Variants in DGKG observed in about 807,000 individuals in gnomAD.
DGKG encodes the protein diacylglycerol kinase gamma, also known as DAG kinase gamma.
Under a neutral mutation model 105.3 loss-of-function variants are expected in DGKG, and 78 were observed. That is an observed-to-expected ratio of 0.74 (90% CI 0.62 to 0.89). DGKG has a LOEUF of 0.89. Ranked by LOEUF, DGKG falls within the 40% of genes least tolerant of loss-of-function variation. The pLI is 0.00. For synonymous variants in DGKG, 346 were observed against 367.1 expected, an observed-to-expected ratio of 0.94 and a Z score of 0.66; for missense variants, 958 against 1,020.1, an observed-to-expected ratio of 0.94 and a Z score of 0.83.
At chr3:186,242,438 T>C in intron 20 of DGKG, 66 bp downstream of exon 20, 1 of 1,391,382 alleles carries the variant, frequency 7.2e-7, no homozygotes. Context: ...AGAGAGCAGG[T>C]GAAAGGCCTC....
chr3:186,283,080 T>C (rs1722900457), intron 7 of DGKG, among the ~76,000 whole-genome samples: 1 of 152,084 alleles, frequency 6.6e-6, no homozygotes, highest in East Asian at 1.9e-4. Context: ...GGCTAATTTT[T>C]GTATTTTTAG....
chr3:186,219,413 C>A (rs1048672217), intron 20 of DGKG, among the ~76,000 whole-genome samples: 5 of 152,220 alleles, frequency 3.3e-5, no homozygotes, highest in African/African-American at 1.2e-4. Flanking sequence ...ATGGAATCAT[C>A]TTTTCCAAGA....
chr3:186,258,031 G>A lies in DGKG; in HGVS notation c.1425-92C>T. The A allele has an allele frequency of 7.3e-6, 7 of 955,740 alleles. 1 individual carries two copies. The Admixed American group carries it at 1.3e-4, about 18-fold the overall frequency. 59.2% of individuals were successfully genotyped at this position (955,740 alleles called of 1,614,324 possible). ...AGTCAGAGTCTGCCCTGTTCCCCAGGAGTATGTTAAGACCTCGATTCCTTT... is the reference window on the plus strand; with the variant it reads ...AGTCAGAGTCTGCCCTGTTCCCCAGAAGTATGTTAAGACCTCGATTCCTTT... On this transcript the variant is annotated intron_variant, in intron 16 of 24. Transcript: ENST00000265022.
chr3:186,303,742 C>T (rs1724086479), intron 3 of DGKG, among the ~76,000 whole-genome samples: 1 of 152,130 alleles, frequency 6.6e-6, no homozygotes, highest in South Asian at 2.1e-4. Flanking sequence ...CTCTATTCTC[C>T]AGAGAATCAC....
chr3:186,259,084 T>G (rs1021962908), intron 16 of DGKG, among the ~76,000 whole-genome samples: 2 of 152,096 alleles, frequency 1.3e-5, no homozygotes, highest in Non-Finnish European at 2.9e-5. Context: ...TTCCTTCTCT[T>G]GCAGAACTCT....
intron 22 of DGKG, among the ~76,000 whole-genome samples, chr3:186,166,449 G>A (rs757034948): frequency 5.9e-5 from 9 of 152,226 alleles, no homozygotes; most frequent in Non-Finnish European, 1.3e-4. Context: ...AAAGGGTAAT[G>A]TTTGTTTAGG....
At chr3:186,179,320 T>G (rs768661144) in intron 22 of DGKG, among the ~76,000 whole-genome samples, 1 of 152,220 alleles carries the variant, frequency 6.6e-6, no homozygotes, top group Admixed American at 6.5e-5. Context: ...AGAGACTGTA[T>G]AATGCACCTA....
chr3:186,320,547 T>C lies in DGKG; in HGVS notation c.-88A>G. ...GAGGCCCAGCCCAGGGCCTGGCTCA[T>C]TGCAGGTTTGCGATGTAAGCCTTTC... On this transcript the variant is annotated 5_prime_UTR_variant, in exon 2 of 25. The change abolishes an upstream ATG in the 5' untranslated region. Transcript: ENST00000265022. 5 of 1,605,128 alleles carry C rather than the reference T, an allele frequency of 3.1e-6. No homozygotes were observed. Among genetic ancestry groups the C allele is most frequent in the Non-Finnish European group, 4.3e-6 (5 of 1,174,848 alleles).
In DGKG at chr3:186,320,568, C is replaced by A; in HGVS notation, c.-109G>T. 1 of 1,577,596 alleles carries A rather than the reference C, an allele frequency of 6.3e-7. No homozygotes were observed. Among genetic ancestry groups the A allele is most frequent in the Non-Finnish European group, 8.6e-7 (1 of 1,160,396 alleles). On this transcript the variant is annotated 5_prime_UTR_variant, in exon 2 of 25. In the 5' UTR this introduces an upstream ATG that the reference lacks. Coordinates refer to ENST00000265022, the MANE Select transcript of DGKG (RefSeq NM_001346.3). Reference sequence around the variant, plus strand: ...CTCATTGCAGGTTTGCGATGTAAGCCTTTCAGGAGACTTCTGGGAGCACTC... The same window carrying A: ...CTCATTGCAGGTTTGCGATGTAAGCATTTCAGGAGACTTCTGGGAGCACTC...
intron 22 of DGKG, among the ~76,000 whole-genome samples, chr3:186,174,414 G>A (rs1463605914): frequency 6.6e-6 from 1 of 152,058 alleles, no homozygotes; most frequent in African/African-American, 2.4e-5. Context: ...GAAGAGGAAG[G>A]CAATGAAAGG....
At chr3:186,306,867 G>A (rs748668186) in intron 3 of DGKG, 34 bp downstream of exon 3, 5 of 1,417,512 alleles carry the variant, frequency 3.5e-6, no homozygotes, top group African/African-American at 1.4e-5. Context: ...AAAACACAGG[G>A]GTTTTTAAAG....
At chr3:186,305,133 CA>C (rs781180033) in intron 3 of DGKG, among the ~76,000 whole-genome samples, 2 of 152,108 alleles carry the variant, frequency 1.3e-5, no homozygotes, top group Non-Finnish European at 1.5e-5. Context: ...GTGGGAGAGA[CA>C]GACAATTAAT....
chr3:186,238,077 G>T (rs1440371814), intron 20 of DGKG, among the ~76,000 whole-genome samples: 1 of 151,880 alleles, frequency 6.6e-6, no homozygotes, highest in East Asian at 1.9e-4. Flanking sequence ...CAAATCACTT[G>T]AGGTCAGGAG....
intron 3 of DGKG, among the ~76,000 whole-genome samples, chr3:186,300,163 C>A (rs773110705): frequency 1.3e-5 from 2 of 152,086 alleles, no homozygotes; most frequent in African/African-American, 2.4e-5. Context: ...AACCCACCCA[C>A]CTTGATCCTT....
At chr3:186,353,300 T>A (rs1726724969) in intron 1 of DGKG, among the ~76,000 whole-genome samples, 1 of 151,890 alleles carries the variant, frequency 6.6e-6, no homozygotes, top group Non-Finnish European at 1.5e-5. Flanking sequence ...GGAGGGTGGA[T>A]CATCTGAGGT....
At chr3:186,164,397 T>C (rs561504167) in intron 23 of DGKG, among the ~76,000 whole-genome samples, 1 of 152,240 alleles carries the variant, frequency 6.6e-6, no homozygotes, top group East Asian at 1.9e-4. Flanking sequence ...TCCCCTAGAG[T>C]TGTCATCCTG....
intron 1 of DGKG, among the ~76,000 whole-genome samples, chr3:186,356,263 G>A (rs1474601843): frequency 6.6e-6 from 1 of 152,204 alleles, no homozygotes; most frequent in Non-Finnish European, 1.5e-5. Context: ...GTGCTCATCA[G>A]ATTCAGAGAT....
intron 21 of DGKG, among the ~76,000 whole-genome samples, chr3:186,198,689 C>T (rs1718300359): frequency 6.6e-6 from 1 of 152,204 alleles, no homozygotes; most frequent in Admixed American, 6.5e-5. Context: ...AAGAGATACA[C>T]CAGCAAGCAA....
At chr3:186,199,029 C>A (rs1718318212) in intron 21 of DGKG, among the ~76,000 whole-genome samples, 1 of 152,118 alleles carries the variant, frequency 6.6e-6, no homozygotes, top group Non-Finnish European at 1.5e-5. Context: ...CTCACTACAA[C>A]CTCTGCCTCC....
Sources: gnomAD v4.1 joint callset for allele counts (sites outside exome capture counted in the v4.1 genomes callset) on GRCh38, gnomAD v4.1.1 for gene constraint, MANE v1.5 for transcripts, NCBI Gene and HGNC (gene_info 2026-07-23, HGNC 2026-07-21) for gene names.